Variants in LSG1 observed in about 807,000 individuals in gnomAD.
LSG1 encodes large 60S subunit nuclear export GTPase 1.
In LSG1, 55 loss-of-function variants were observed where a neutral mutation model predicts 82.6. That is an observed-to-expected ratio of 0.67 (90% CI 0.54 to 0.83). The LOEUF is 0.83. Ranked by LOEUF, LSG1 falls within the 40% of genes least tolerant of loss-of-function variation. LSG1 has a pLI of 0.00. For missense variants in LSG1, 809 were observed against 807.9 expected, an observed-to-expected ratio of 1.00 and a Z score of -0.02; for synonymous variants, 272 against 282.5, an observed-to-expected ratio of 0.96 and a Z score of 0.37.
chr3:194,645,495 T>TACAC lies in LSG1; in HGVS notation c.1623+665_1623+668dup, dbSNP rs56936610. The TACAC allele has an allele frequency of 3.1e-3, 194 of 62,030 alleles. 6 individuals carry two copies. The highest frequency in any genetic ancestry group is 6.0e-3 in the African/African-American group (79 of 13,220). 3.8% of individuals were successfully genotyped at this position (62,030 alleles called of 1,614,324 possible). A position where few individuals can be genotyped will look rare whatever the true frequency, so the allele number is the denominator to read the frequency against. On this transcript the variant is annotated intron_variant, in intron 12 of 13. Transcript: ENST00000265245. ...ATGTGCCAGGCATTGAGCTTAGTGC[T>TACAC]ACACACACACACACACACACACACA...
Position 194,645,575 on chromosome 3 carries a change from G to GACACACACAC in LSG1, c.1623+579_1623+588dup, listed in dbSNP as rs57272537. ...ACACACACACACACACACACAGACA[G>GACACACACAC]ACACACACACACACACACACACACA... On this transcript the variant is annotated intron_variant, in intron 12 of 13. Coordinates refer to ENST00000265245, the MANE Select transcript of LSG1 (RefSeq NM_018385.3). Among the ~76,000 whole-genome samples, 25 of 20,126 alleles carry GACACACACAC rather than the reference G, an allele frequency of 1.2e-3. 2 individuals are homozygous for GACACACACAC. The highest frequency in any genetic ancestry group is 2.4e-3 in the South Asian group (1 of 424). 13.2% of individuals were successfully genotyped at this position (20,126 alleles called of 152,430 possible). A position where few individuals can be genotyped will look rare whatever the true frequency, so the allele number is the denominator to read the frequency against.
At chr3:194,671,400 A>C (rs1719137049) in intron 1 of LSG1, among the ~76,000 whole-genome samples, 1 of 152,180 alleles carries the variant, frequency 6.6e-6, no homozygotes, top group Non-Finnish European at 1.5e-5. Flanking sequence ...GCACACGCTT[A>C]CTTAGCTCCA....
intron 7 of LSG1, among the ~76,000 whole-genome samples, chr3:194,654,349 T>C (rs896303633): frequency 5.9e-5 from 9 of 152,190 alleles, no homozygotes; most frequent in African/African-American, 2.2e-4. Context: ...AAGGGTGAAT[T>C]TGTCGGGACT....
chr3:194,669,643 CA>C (rs1309068017), intron 2 of LSG1, among the ~76,000 whole-genome samples: 6 of 152,118 alleles, frequency 3.9e-5, no homozygotes, highest in Non-Finnish European at 8.8e-5. Flanking sequence ...ACTCATTGTT[CA>C]AGACTCAGGG....
At chr3:194,671,975 C>T in intron 1 of LSG1, 89 bp downstream of exon 1, 1 of 1,228,654 alleles carries the variant, frequency 8.1e-7, no homozygotes, top group Non-Finnish European at 1.2e-6. Flanking sequence ...AGGCGTCCCT[C>T]CTGCAAAACT....
chr3:194,666,492 G>A lies in LSG1; in HGVS notation c.307C>T (p.Leu103Phe). 1 of 1,614,046 alleles carries A rather than the reference G, an allele frequency of 6.2e-7. No homozygotes were observed. Among genetic ancestry groups the A allele is most frequent in the Non-Finnish European group, 8.5e-7 (1 of 1,179,956 alleles). Residue 103 changes from leucine to phenylalanine, a missense_variant, in exon 3 of 14, where the codon CTC becomes TTC. Transcript: ENST00000265245. ...AAGAACTGTTTGTTTTCTTCATGGA[G>A]CTTCTTAATTCTCTGGCTCTCCTCG... Reference protein sequence around the residue: ...SFEESQRIKKLHEENKQFLCI... With the variant: ...SFEESQRIKKFHEENKQFLCI...
chr3:194,645,585 C>CACACACAGACAG (rs1274196599), intron 12 of LSG1, among the ~76,000 whole-genome samples: 1,391 of 74,708 alleles, frequency 0.019, 164 homozygotes, highest in South Asian at 0.041. Context: ...GACACACACA[C>CACACACAGACAG]ACACACACAC....
intron 13 of LSG1, 97 bp downstream of exon 13, chr3:194,644,476 T>G (rs982064602): frequency 4.5e-6 from 3 of 666,692 alleles, no homozygotes; most frequent in Non-Finnish European, 6.8e-6. Flanking sequence ...AAACCCTTTT[T>G]GGGGTTAATA....
chr3:194,671,869 C>T (rs2108624124), intron 1 of LSG1, 195 bp downstream of exon 1: 1 of 631,872 alleles, frequency 1.6e-6, no homozygotes, highest in Non-Finnish European at 2.8e-6. Context: ...ACTCTTCTTT[C>T]AAGCTTCTCC....
intron 7 of LSG1, among the ~76,000 whole-genome samples, chr3:194,655,238 C>T (rs867642052): frequency 4.6e-5 from 7 of 152,134 alleles, no homozygotes; most frequent in Non-Finnish European, 7.4e-5. Flanking sequence ...ATAAGACAGT[C>T]ATCAACAGGA....
At chr3:194,671,353 CA>C (rs1405186041) in intron 1 of LSG1, among the ~76,000 whole-genome samples, 7 of 152,162 alleles carry the variant, frequency 4.6e-5, no homozygotes, top group African/African-American at 1.7e-4. Context: ...GTTTACTCTG[CA>C]GACTATATGG....
chr3:194,644,387 TAAATA>T (rs1718470527), intron 13 of LSG1, among the ~76,000 whole-genome samples, 181 bp downstream of exon 13: 1 of 56,058 alleles, frequency 1.8e-5, no homozygotes, highest in South Asian at 7.9e-4. Flanking sequence ...AAAATAAAAA[TAAATA>T]AATAAATAAA....
rs564729352 is a variant in LSG1 at position 194,652,658 on chromosome 3, C to T, written c.1173+71G>A. On this transcript the variant is annotated intron_variant, in intron 8 of 13. Coordinates refer to ENST00000265245, the MANE Select transcript of LSG1 (RefSeq NM_018385.3). Reference sequence around the variant, plus strand: ...CGGAAGCCTGGTTGGTCTTTGGGGTCGTGCAGCTACTGAAAAATGGGGATT... The same window carrying T: ...CGGAAGCCTGGTTGGTCTTTGGGGTTGTGCAGCTACTGAAAAATGGGGATT... The T allele has an allele frequency of 1.1e-5, 16 of 1,521,254 alleles. No individual in the cohort carries two copies. The Admixed American group carries it at 1.1e-4, about 11-fold the overall frequency. The allele number at this position is 1,521,254 out of a possible 1,614,324, so 94.2% of individuals were successfully genotyped here. A position where few individuals can be genotyped will look rare whatever the true frequency, so the allele number is the denominator to read the frequency against.
chr3:194,643,224 A>AT lies in LSG1; in HGVS notation c.1798-978dup, dbSNP rs571438264. Among the ~76,000 whole-genome samples the AT allele has an allele frequency of 2.3e-4, 35 of 152,386 alleles. No homozygotes were observed. In the South Asian group the frequency reaches 4.8e-3, roughly 21 times the overall value. ...GTGATATAAGCAACTGAAGTTATCA[A>AT]TATTTTAAAGTGCAGAAGACATTTA... On this transcript the variant is annotated intron_variant, in intron 13 of 13. Transcript: ENST00000265245.
Position 194,672,026 on chromosome 3 carries a change from G to A in LSG1, c.99+38C>T, listed in dbSNP as rs572278109. The A allele has an allele frequency of 1.1e-4, 175 of 1,582,114 alleles. 1 individual carries two copies. In the South Asian group the frequency reaches 1.8e-3, roughly 16 times the overall value. On this transcript the variant is annotated intron_variant, in intron 1 of 13. Coordinates refer to ENST00000265245, the MANE Select transcript of LSG1 (RefSeq NM_018385.3). ...CCCGAATTTTGCAGCACTCAGGCTA[G>A]ACAGAAAAGATAAGAAAGATGACAT... is the stretch of plus-strand genomic sequence containing the variant.
intron 12 of LSG1, chr3:194,645,505 C>CACACACACACACACACACACAG (rs1718503865): frequency 1.9e-5 from 1 of 53,498 alleles, no homozygotes; most frequent in African/African-American, 5.8e-5. Flanking sequence ...TACACACACA[C>CACACACACACACACACACACAG]ACACACACAC....
chr3:194,648,900 T>G, intron 10 of LSG1, 96 bp from the exon 11 acceptor site: 1 of 1,189,296 alleles, frequency 8.4e-7, no homozygotes, highest in South Asian at 1.4e-5. Flanking sequence ...ATTCCGCGTG[T>G]GACAAACACT....
At chr3:194,666,374 G>C (rs1719029985) in intron 3 of LSG1, 78 bp downstream of exon 3, 2 of 1,599,450 alleles carry the variant, frequency 1.3e-6, no homozygotes, top group Admixed American at 1.7e-5. Context: ...TGGCAGCTGA[G>C]AAAAAGAAGC....
At chr3:194,648,218 T>C (rs1282911854) in intron 11 of LSG1, among the ~76,000 whole-genome samples, 2 of 152,120 alleles carry the variant, frequency 1.3e-5, no homozygotes, top group East Asian at 3.9e-4. Context: ...CTCATCTTAA[T>C]GTCAAATAAG....
Sources: gnomAD v4.1 joint callset for allele counts (sites outside exome capture counted in the v4.1 genomes callset) on GRCh38, gnomAD v4.1.1 for gene constraint, MANE v1.5 for transcripts, NCBI Gene and HGNC (gene_info 2026-07-23, HGNC 2026-07-21) for gene names.